KHNYN: variants seen among roughly 807,000 people sequenced by gnomAD.
The protein encoded by KHNYN is KH and NYN domain containing.
A neutral mutation model predicts 62.7 loss-of-function variants in KHNYN; 42 were observed. The ratio of observed to expected loss-of-function variants is 0.67; its 90% confidence interval spans 0.52 to 0.87. KHNYN has a LOEUF of 0.87. KHNYN is among the 40% of genes least tolerant of loss of function. The pLI, the probability that KHNYN is intolerant of heterozygous loss-of-function variation, is 0.00. For missense variants in KHNYN, 829 were observed against 874.1 expected, an observed-to-expected ratio of 0.95 and a Z score of 0.65; for synonymous variants, 347 against 345.6, an observed-to-expected ratio of 1.00 and a Z score of -0.04.
upstream of KHNYN, chr14:24,428,496 G>T (rs2043047989): frequency 1.4e-6 from 2 of 1,468,818 alleles, no homozygotes; most frequent in Non-Finnish European, 9.3e-7. Context: ...AGTGAGTAAT[G>T]AATAGAAGGA....
At chr14:24,436,309 T>G (rs1203511710) in intron 6 of KHNYN, 79 bp from the exon 7 acceptor site, 1 of 1,438,126 alleles carries the variant, frequency 7.0e-7, no homozygotes, top group Non-Finnish European at 9.8e-7. Context: ...GCCAGCAGCT[T>G]CTGGTGATAC....
chr14:24,431,739 G>A lies in KHNYN; in HGVS notation c.478G>A (p.Val160Met), dbSNP rs1263418590. The part of the protein sequence containing the change: ...PSSGASQCTG[V>M]LRDFSALLQS... ...TTCCGGAGCCTCTCAGTGTACTGGA[G>A]TGCTGAGAGACTTCTCTGCCCTGCT... is the stretch of plus-strand genomic sequence containing the variant. Residue 160 changes from valine to methionine, a missense_variant, in exon 3 of 8, where the codon GTG (valine) becomes ATG (methionine). Val to Met is a conservative substitution (Grantham distance 21, BLOSUM62 1). Transcript: ENST00000553935. 1.2e-6 allele frequency: 2 copies of A among 1,614,218 alleles called. No individual in the cohort carries two copies. Among genetic ancestry groups the A allele is most frequent in the East Asian group, 4.5e-5 (2 of 44,886 alleles).
the KHNYN span, among the ~76,000 whole-genome samples, chr14:24,424,002 A>C: frequency 6.6e-6 from 1 of 152,256 alleles, no homozygotes. Flanking sequence ...TAACAAGTTA[A>C]ATGATTTAAA....
Position 24,439,986 on chromosome 14 carries a change from C to G in KHNYN, c.*2701C>G, listed in dbSNP as rs1315094256. 2 of 995,318 alleles carry G rather than the reference C, an allele frequency of 2.0e-6. No individual in the cohort carries two copies. The highest frequency in any genetic ancestry group is 2.9e-6 in the Non-Finnish European group (2 of 688,472). 61.7% of individuals were successfully genotyped at this position (995,318 alleles called of 1,614,324 possible). ...GAGGACTGGGAGAGGAATCTAAGAA[C>G]CAGATGGCTTCAGCTCTCTAGAGGA... is the stretch of plus-strand genomic sequence containing the variant. On this transcript the variant is annotated 3_prime_UTR_variant, in exon 8 of 8. Transcript: ENST00000553935.
chr14:24,436,634 A>C (rs2043209422), intron 7 of KHNYN, 145 bp downstream of exon 7: 1 of 617,328 alleles, frequency 1.6e-6, no homozygotes, highest in Non-Finnish European at 2.8e-6. Context: ...TGGCCTTTAT[A>C]AGCTTCCCAG....
Position 24,435,839 on chromosome 14 carries a change from T to C in KHNYN, c.1578-233T>C. 1.3e-5 allele frequency: 7 copies of C among 556,168 alleles called. No homozygotes were observed. In the South Asian group the frequency reaches 1.5e-4, roughly 12 times the overall value. 34.5% of individuals were successfully genotyped at this position (556,168 alleles called of 1,614,324 possible). On this transcript the variant is annotated intron_variant, in intron 5 of 7. Coordinates refer to ENST00000553935, the MANE Select transcript of KHNYN (RefSeq NM_015299.3). The stretch of plus-strand genomic sequence containing the variant: ...CAGATCTCCATCACCAGAAGTGGCC[T>C]ATGGGAGACAGTAAAACTTCTGGGG...
chr14:24,441,505 A>G lies in KHNYN; in HGVS notation c.*4220A>G. ...TCCCCACTGTTTTTTCAGGGTCTCAATTTCTTAGTGAAAGTACACAAAGGT... is the reference window on the plus strand; with the variant it reads ...TCCCCACTGTTTTTTCAGGGTCTCAGTTTCTTAGTGAAAGTACACAAAGGT... On this transcript the variant is annotated 3_prime_UTR_variant, in exon 8 of 8. Transcript: ENST00000553935. The G allele has an allele frequency of 1.7e-6, 1 of 586,778 alleles. No individual in the cohort carries two copies. Among genetic ancestry groups the G allele is most frequent in the Non-Finnish European group, 2.8e-6 (1 of 351,844 alleles). 36.3% of individuals were successfully genotyped at this position (586,778 alleles called of 1,614,324 possible).
chr14:24,437,570 G>A lies in KHNYN; in HGVS notation c.*285G>A, dbSNP rs547737080. ...GCTGCTAGAGGGGATTAGTTCCGGA[G>A]ACTGAGACTGTTGGCTCCACCTCCA... On this transcript the variant is annotated 3_prime_UTR_variant, in exon 8 of 8. Transcript: ENST00000553935. This position sits in a 1 kb window ranked among gnomAD's most constrained non-coding sequence, Gnocchi z 5.5. The A allele has an allele frequency of 6.8e-6, 2 of 295,052 alleles. No individual in the cohort carries two copies. Among genetic ancestry groups the A allele is most frequent in the Admixed American group, 5.0e-5 (1 of 20,132 alleles). 18.3% of individuals were successfully genotyped at this position (295,052 alleles called of 1,614,324 possible). A position where few individuals can be genotyped will look rare whatever the true frequency, so the allele number is the denominator to read the frequency against.
upstream of KHNYN, chr14:24,428,215 G>A: frequency 6.3e-7 from 1 of 1,585,774 alleles, no homozygotes; most frequent in Middle Eastern, 1.7e-4. Context: ...CCACCCGGAG[G>A]TCAGCTGGGC....
chr14:24,437,223 C>T lies in KHNYN; in HGVS notation c.1975C>T (p.Arg659Trp), dbSNP rs752175232. Residue 659 changes from arginine to tryptophan, a missense_variant, in exon 8 of 8, where the codon CGG becomes TGG. Physicochemically the swap from Arg to Trp is moderately radical, Grantham distance 101. Coordinates refer to ENST00000553935, the MANE Select transcript of KHNYN (RefSeq NM_015299.3). This position sits in a 1 kb window ranked among gnomAD's most constrained non-coding sequence, Gnocchi z 5.5. ...TCACAAAGTGGACTTCATCCTGCAG[C>T]GGGAGCCATACTGCCGGGACATCAA... ...QDHKVDFILQ[R>W]EPYCRDINQL... 1.2e-6 allele frequency: 2 copies of T among 1,614,166 alleles called. No homozygotes were observed. Among genetic ancestry groups the T allele is most frequent in the South Asian group, 1.1e-5 (1 of 91,076 alleles).
At chr14:24,429,054 T>G, upstream of KHNYN, 1 of 1,495,832 alleles carries the variant, frequency 6.7e-7, no homozygotes, top group Non-Finnish European at 9.0e-7. Context: ...GCTCCCAACA[T>G]GGCTGAGGGG....
intron 5 of KHNYN, among the ~76,000 whole-genome samples, chr14:24,434,666 G>A (rs2043178304): frequency 1.3e-5 from 2 of 152,194 alleles, no homozygotes; most frequent in Admixed American, 6.5e-5. Flanking sequence ...GCCTCCCAAA[G>A]TGCTGGGATT....
rs1267778720 is a variant in KHNYN, at chr14:24,439,109, G to C, written c.*1824G>C. ...GTATGGCCTGAACTGGTGGCTGGGG[G>C]AACTGTGTCTGGTCAAGTTATGGCA... On this transcript the variant is annotated 3_prime_UTR_variant, in exon 8 of 8. Coordinates refer to ENST00000553935, the MANE Select transcript of KHNYN (RefSeq NM_015299.3). 1 of 152,270 alleles carries C rather than the reference G, an allele frequency of 6.6e-6. No homozygotes were observed. Among genetic ancestry groups the C allele is most frequent in the Non-Finnish European group, 1.5e-5 (1 of 68,104 alleles). The allele number at this position is 152,270 out of a possible 1,614,324, so 9.4% of individuals were successfully genotyped here. A position where few individuals can be genotyped will look rare whatever the true frequency, so the allele number is the denominator to read the frequency against.
In KHNYN at chr14:24,437,020, G is replaced by T. The variant is rs1368688921; in HGVS notation, c.1788-16G>T. ...CCAGGATGCTCATCAGCTCTTTTTG[G>T]TCTGTTTCTTCCCAGGACACAGGGG... On this transcript the variant is annotated splice_polypyrimidine_tract_variant and intron_variant, in intron 7 of 7. Coordinates refer to ENST00000553935, the MANE Select transcript of KHNYN (RefSeq NM_015299.3). This position sits in a 1 kb window ranked among gnomAD's most constrained non-coding sequence, Gnocchi z 5.5. 1.2e-6 allele frequency: 2 copies of T among 1,601,554 alleles called. No homozygotes were observed. The highest frequency in any genetic ancestry group is 1.1e-5 in the South Asian group (1 of 90,142).
chr14:24,431,056 T>C, intron 2 of KHNYN, 125 bp downstream of exon 2: 2 of 868,156 alleles, frequency 2.3e-6, no homozygotes, highest in Non-Finnish European at 3.5e-6. Context: ...TTCTTGGTTG[T>C]CTCACTGGCA....
At position 24,439,990 on chromosome 14, in the gene KHNYN, A is replaced by G; in HGVS notation, c.*2705A>G. 6.8e-6 allele frequency: 7 copies of G among 1,033,754 alleles called. No individual in the cohort carries two copies. Among genetic ancestry groups the G allele is most frequent in the Non-Finnish European group, 9.7e-6 (7 of 721,134 alleles). The allele number at this position is 1,033,754 out of a possible 1,614,324, so 64.0% of individuals were successfully genotyped here. ...ACTGGGAGAGGAATCTAAGAACCAG[A>G]TGGCTTCAGCTCTCTAGAGGAGCTG... On this transcript the variant is annotated 3_prime_UTR_variant, in exon 8 of 8. Coordinates refer to ENST00000553935, the MANE Select transcript of KHNYN (RefSeq NM_015299.3).
At chr14:24,428,015 T>C, upstream of KHNYN, 2 of 1,598,774 alleles carry the variant, frequency 1.3e-6, no homozygotes, top group Non-Finnish European at 1.7e-6. Context: ...TTAGCCCCCA[T>C]TCCCCAGCCC....
Position 24,430,917 on chromosome 14 carries a change from G to T in KHNYN, c.187G>T (p.Ala63Ser), listed in dbSNP as rs779113466. 11 of 1,612,948 alleles carry T rather than the reference G, an allele frequency of 6.8e-6. No individual in the cohort carries two copies. The highest frequency in any genetic ancestry group is 9.3e-6 in the Non-Finnish European group (11 of 1,179,114). ...GCAGCTGGAGGGCCCCAAGGAAAAC[G>T]CCAGCAGAGCCAAGGTGAACGCCTT... ...WLQLEGPKENASRAKEYLKGL... is the reference protein window; with the variant it reads ...WLQLEGPKENSSRAKEYLKGL... The change falls in exon 2 of 8, where the codon GCC (alanine) becomes TCC (serine). Residue 63 changes from alanine to serine, a missense_variant. Ala to Ser is a moderately conservative substitution (Grantham distance 99). Around this residue, in one of 2 missense-constraint regions of KHNYN, gnomAD observed 559 missense variants for 527.0 expected, o/e 1.06. Coordinates refer to ENST00000553935, the MANE Select transcript of KHNYN (RefSeq NM_015299.3).
chr14:24,434,259 C>T (rs895792595), intron 5 of KHNYN: 20 of 985,274 alleles, frequency 2.0e-5, no homozygotes, highest in African/African-American at 5.2e-5. Context: ...ATTGGGAATT[C>T]GCCCAGTAAC....
Sources: gnomAD v4.1 joint callset for allele counts (sites outside exome capture counted in the v4.1 genomes callset) on GRCh38, gnomAD v4.1.1 for gene constraint, gnomAD v4.1.1 regional missense constraint, Gnocchi (gnomAD v3.1) non-coding constraint, MANE v1.5 for transcripts, NCBI Gene and HGNC (gene_info 2026-07-23, HGNC 2026-07-21) for gene names.